The following NFASC variants were observed in gnomAD, a reference collection of about 807,000 sequenced individuals.
NFASC encodes the protein neurofascin homolog.
NFASC carries 43 observed loss-of-function variants against 147.5 expected under a neutral mutation model. The observed-to-expected ratio is 0.29, with a 90% CI of 0.23 to 0.38. The LOEUF is 0.38. Among genes scored for constraint, NFASC ranks in the 10% least tolerant of loss-of-function variants. The pLI, the probability that NFASC is intolerant of heterozygous loss-of-function variation, is 1.00. For synonymous variants in NFASC, 622 were observed against 665.5 expected (o/e 0.93, Z 1.01); for missense variants, 1,320 against 1,689.0 (o/e 0.78, Z 3.83).
intron 1 of NFASC, among the ~76,000 whole-genome samples, chr1:204,886,027 G>A (rs1027444735): frequency 6.6e-6 from 1 of 152,190 alleles, no homozygotes; most frequent in East Asian, 1.9e-4. Flanking sequence ...CACATTCTTT[G>A]AATATCCTCA....
chr1:204,954,428 A>G lies in NFASC; in HGVS notation c.412+44A>G, dbSNP rs769249754. ...GGCTGAAATGCCCTGCTCCTGGGTA[A>G]ATGGAGAGTGGGGGGTGTGGAAGGC... On this transcript the variant is annotated intron_variant, in intron 6 of 29. Coordinates refer to ENST00000339876, the MANE Select transcript of NFASC (RefSeq NM_001005388.3). The surrounding 1 kb of genome is among the most constrained non-coding windows in gnomAD (Gnocchi z 5.7). The G allele has an allele frequency of 5.7e-6, 9 of 1,580,208 alleles. No homozygotes were observed. Among genetic ancestry groups the G allele is most frequent in the Non-Finnish European group, 7.8e-6 (9 of 1,156,770 alleles).
chr1:204,926,396 ATATATATATATTTTTTTTTTT>A (rs545338664), intron 2 of NFASC, among the ~76,000 whole-genome samples: 1,456 of 35,548 alleles, frequency 0.041, 26 homozygotes, highest in African/African-American at 0.064. Context: ...ATATATATAT[ATATATATATATTTTTTTTTTT>A]TTTTTTTTTT....
At chr1:204,923,629 C>T (rs956139234) in intron 2 of NFASC, among the ~76,000 whole-genome samples, 9 of 152,154 alleles carry the variant, frequency 5.9e-5, no homozygotes, top group African/African-American at 2.2e-4. Flanking sequence ...GCCCAGGACA[C>T]ACAACTGTGG....
chr1:204,945,104 T>G (rs1300356765), intron 3 of NFASC: 1 of 152,184 alleles, frequency 6.6e-6, no homozygotes, highest in East Asian at 1.9e-4. Context: ...GGGCTTAAAA[T>G]GCAAATCTAA....
intron 1 of NFASC, among the ~76,000 whole-genome samples, chr1:204,867,125 C>G (rs1029224865): frequency 6.6e-6 from 1 of 152,120 alleles, no homozygotes; most frequent in African/African-American, 2.4e-5. Flanking sequence ...GGGGGGACCC[C>G]TAGATGTCAG....
intron 8 of NFASC, chr1:204,967,919 A>G: frequency 4.7e-6 from 1 of 213,116 alleles, no homozygotes; most frequent in Non-Finnish European, 9.5e-6. Flanking sequence ...TGGGATCCCA[A>G]CACAAGCTGC....
Position 204,979,562 on chromosome 1 carries a change from G to A in NFASC, c.2176+3G>A, listed in dbSNP as rs1400864856. The A allele has an allele frequency of 7.4e-6, 12 of 1,613,442 alleles. No individual in the cohort carries two copies. The highest frequency in any genetic ancestry group is 1.0e-5 in the Non-Finnish European group (12 of 1,179,966). ...GCGCTACCGAACCAGTGGAGCACGT[G>A]AGTACCCGAGGGCTGCCAGAGAAGG... On this transcript the variant is annotated splice_donor_region_variant and intron_variant, in intron 19 of 29. Transcript: ENST00000339876. The surrounding 1 kb of genome is among the most constrained non-coding windows in gnomAD (Gnocchi z 6.0).
At chr1:204,945,145 C>G (rs1409554392) in intron 3 of NFASC, 2 of 152,266 alleles carry the variant, frequency 1.3e-5, no homozygotes, top group East Asian at 1.9e-4. Flanking sequence ...ATATCTGTTG[C>G]TGCGTTCATC....
intron 1 of NFASC, among the ~76,000 whole-genome samples, chr1:204,863,822 T>A: frequency 8.0e-6 from 1 of 124,640 alleles, no homozygotes; most frequent in Non-Finnish European, 1.6e-5. Flanking sequence ...TACTCCAGCC[T>A]AGGTGAAAAA....
intron 2 of NFASC, among the ~76,000 whole-genome samples, chr1:204,929,255 C>T (rs2092098111): frequency 1.3e-5 from 2 of 152,194 alleles, no homozygotes; most frequent in Admixed American, 1.3e-4. Flanking sequence ...GCCCCTCACT[C>T]CTCCCAGATC....
intron 1 of NFASC, among the ~76,000 whole-genome samples, chr1:204,891,877 C>T (rs1398068723): frequency 6.6e-6 from 1 of 152,190 alleles, no homozygotes; most frequent in African/African-American, 2.4e-5. Flanking sequence ...TGCCACTTAC[C>T]TGCTGCAGCC....
intron 1 of NFASC, among the ~76,000 whole-genome samples, chr1:204,847,860 T>C (rs1272773739): frequency 6.6e-6 from 1 of 152,138 alleles, no homozygotes; most frequent in Non-Finnish European, 1.5e-5. Flanking sequence ...CCTCTGTTTG[T>C]CCCATTCTGA....
chr1:204,848,703 G>T (rs2075391329), intron 1 of NFASC, among the ~76,000 whole-genome samples: 2 of 152,194 alleles, frequency 1.3e-5, no homozygotes, highest in African/African-American at 4.8e-5. Context: ...TTTTCTGTTG[G>T]TCTTCTAATT....
chr1:204,971,073 G>A (rs1437121983), intron 11 of NFASC, among the ~76,000 whole-genome samples: 1 of 152,180 alleles, frequency 6.6e-6, no homozygotes, highest in Non-Finnish European at 1.5e-5. Flanking sequence ...GACTGTGGCT[G>A]CATCTCTGGG....
intron 1 of NFASC, among the ~76,000 whole-genome samples, chr1:204,867,030 G>T (rs1054209594): frequency 6.6e-6 from 1 of 152,010 alleles, no homozygotes; most frequent in Admixed American, 6.5e-5. Flanking sequence ...TGTAGGCAAA[G>T]AAACAAAAAA....
At chr1:205,000,840 C>A in intron 25 of NFASC, 3 of 302,936 alleles carry the variant, frequency 9.9e-6, no homozygotes, top group Non-Finnish European at 1.2e-5. Context: ...AAAAAAAAAA[C>A]AGAAAACAAA....
chr1:204,876,768 A>G (rs930263420), intron 1 of NFASC, among the ~76,000 whole-genome samples: 1 of 152,050 alleles, frequency 6.6e-6, no homozygotes, highest in African/African-American at 2.4e-5. Flanking sequence ...TATTGCAGCA[A>G]GTATCAGAAT....
In NFASC at chr1:204,968,327, T is replaced by C. The variant is rs1392025367; in HGVS notation, c.785T>C (p.Met262Thr). The change falls in exon 9 of 30, where the codon ATG becomes ACG. Residue 262 changes from methionine to threonine, a missense_variant. This residue lies in a region of NFASC where 981 missense variants were observed against 1,289.5 expected (regional missense o/e 0.76). Coordinates refer to ENST00000339876, the MANE Select transcript of NFASC (RefSeq NM_001005388.3). This position sits in a 1 kb window ranked among gnomAD's most constrained non-coding sequence, Gnocchi z 5.4. ...AGCAGCCAGATGGTGCTTCGTGGCA[T>C]GGACCTCCTGCTGGAATGCATCGCC... ...TASSQMVLRGMDLLLECIASG... is the reference protein window; with the variant it reads ...TASSQMVLRGTDLLLECIASG... The C allele has an allele frequency of 6.2e-7, 1 of 1,614,194 alleles. No individual in the cohort carries two copies. The highest frequency in any genetic ancestry group is 1.1e-5 in the South Asian group (1 of 91,086).
In NFASC at chr1:204,906,934, T is replaced by C. The variant is rs368744942; in HGVS notation, c.-199-13698T>C. 7.1e-3 allele frequency among the ~76,000 whole-genome samples: 1,077 copies of C among 152,234 alleles called. 16 individuals are homozygous for C. Among genetic ancestry groups the C allele is most frequent in the South Asian group, 0.013 (62 of 4,826 alleles). ...TCCTGACCTTGTGATCCGCCCGCCT[T>C]GGCCTCCCAAAGTGCTGGGATTGTC... On this transcript the variant is annotated intron_variant, in intron 1 of 29. Transcript: ENST00000339876.
Sources: allele counts gnomAD v4.1 joint callset (sites outside exome capture counted in the v4.1 genomes callset), GRCh38; gene constraint gnomAD v4.1.1; regional missense constraint gnomAD v4.1.1; non-coding constraint Gnocchi (gnomAD v3.1); transcripts MANE v1.5; gene names NCBI Gene and HGNC (gene_info 2026-07-23, HGNC 2026-07-21).